Variants in LANCL1 observed in about 807,000 individuals in gnomAD.
LANCL1 encodes the protein glutathione S-transferase LANCL1.
Under a neutral mutation model 50.6 loss-of-function variants are expected in LANCL1, and 50 were observed. The ratio of observed to expected loss-of-function variants is 0.99; its 90% CI spans 0.79 to 1.25. LANCL1 has a LOEUF of 1.25. Among genes scored for constraint, LANCL1 ranks in the 50% most tolerant of loss-of-function variants. The pLI is 0.00. For synonymous variants in LANCL1, 188 were observed against 178.6 expected (o/e 1.05, Z -0.42); for missense variants, 532 against 480.7 (o/e 1.11, Z -1.00).
intron 4 of LANCL1, among the ~76,000 whole-genome samples, chr2:210,443,911 T>C (rs1218637471): frequency 6.6e-6 from 1 of 152,190 alleles, no homozygotes; most frequent in Non-Finnish European, 1.5e-5. Flanking sequence ...AAAGATGGGC[T>C]GGAGGTTTGG....
At chr2:210,436,075 G>C in intron 8 of LANCL1, 141 bp downstream of exon 8, 1 of 626,268 alleles carries the variant, frequency 1.6e-6, no homozygotes, top group Non-Finnish European at 2.7e-6. Flanking sequence ...CTAATTTTTT[G>C]TCATTTTAGT....
intron 2 of LANCL1, among the ~76,000 whole-genome samples, chr2:210,472,531 T>C (rs1694255134): frequency 6.6e-6 from 1 of 151,912 alleles, no homozygotes; most frequent in Non-Finnish European, 1.5e-5. Context: ...TTAAAAAAAA[T>C]GAAGTAGCCA....
chr2:210,452,698 G>A (rs1278325777), intron 4 of LANCL1, among the ~76,000 whole-genome samples: 3 of 152,038 alleles, frequency 2.0e-5, no homozygotes, highest in African/African-American at 4.8e-5. Context: ...TGATTTCCTT[G>A]GATTTCAATT....
chr2:210,456,506 C>G (rs1304246885), intron 3 of LANCL1, among the ~76,000 whole-genome samples: 1 of 151,998 alleles, frequency 6.6e-6, no homozygotes, highest in Non-Finnish European at 1.5e-5. Context: ...TGTTAGTAAT[C>G]CCACAAGCTG....
chr2:210,464,365 G>A (rs1269897606), intron 3 of LANCL1, among the ~76,000 whole-genome samples: 1 of 152,086 alleles, frequency 6.6e-6, no homozygotes, highest in Non-Finnish European at 1.5e-5. Flanking sequence ...TTGTTGAAAA[G>A]ATAGATGGGG....
chr2:210,466,587 G>A (rs1230666689), intron 3 of LANCL1, among the ~76,000 whole-genome samples: 1 of 152,178 alleles, frequency 6.6e-6, no homozygotes, highest in Non-Finnish European at 1.5e-5. Context: ...GAGTAGCAGT[G>A]TTGAGATCTT....
intron 6 of LANCL1, 101 bp downstream of exon 6, chr2:210,440,497 T>C: frequency 8.7e-7 from 1 of 1,151,458 alleles, no homozygotes; most frequent in Non-Finnish European, 1.2e-6. Flanking sequence ...ATGCAGTGGT[T>C]GACAGAATGA....
intron 4 of LANCL1, among the ~76,000 whole-genome samples, chr2:210,449,717 A>G (rs1693453229): frequency 6.6e-6 from 1 of 152,222 alleles, no homozygotes; most frequent in East Asian, 1.9e-4. Flanking sequence ...ACAAAGAGCC[A>G]AATCATGGGT....
At chr2:210,438,198 G>A (rs374364091) in intron 6 of LANCL1, among the ~76,000 whole-genome samples, 6 of 147,886 alleles carry the variant, frequency 4.1e-5, no homozygotes, top group Admixed American at 3.4e-4. Context: ...GCAATGGTGC[G>A]ATCTTGGCTC....
chr2:210,444,808 G>C (rs1367430087), intron 4 of LANCL1, among the ~76,000 whole-genome samples: 4 of 151,976 alleles, frequency 2.6e-5, no homozygotes, highest in Non-Finnish European at 5.9e-5. Flanking sequence ...CTTATGGATA[G>C]AATTATGGGC....
Position 210,432,377 on chromosome 2 carries a change from G to T in LANCL1, c.*2110C>A, listed in dbSNP as rs895345548. 4 of 152,150 alleles carry T rather than the reference G, an allele frequency of 2.6e-5. No homozygotes were observed. The highest frequency in any genetic ancestry group is 9.7e-5 in the African/African-American group (4 of 41,438). 9.4% of individuals were successfully genotyped at this position (152,150 alleles called of 1,614,324 possible). ...AGTAGCTAACCCATTTATGCTGGGG[G>T]TTGCAATTTTTTGTGTGAAAAATCA... On this transcript the variant is annotated 3_prime_UTR_variant, in exon 10 of 10. Transcript: ENST00000450366.
chr2:210,473,148 G>C (rs1694270044), intron 2 of LANCL1, among the ~76,000 whole-genome samples: 1 of 152,168 alleles, frequency 6.6e-6, no homozygotes, highest in South Asian at 2.1e-4. Context: ...GGCCGAGGTG[G>C]GCGGATAACC....
intron 3 of LANCL1, among the ~76,000 whole-genome samples, chr2:210,463,945 T>G (rs868273488): frequency 6.6e-6 from 1 of 152,352 alleles, no homozygotes; most frequent in Middle Eastern, 3.4e-3. Context: ...ACGTTTGAGT[T>G]CTATTAAAAG....
chr2:210,455,101 G>C lies in LANCL1; in HGVS notation c.407+6C>G. On this transcript the variant is annotated splice_donor_region_variant and intron_variant, in intron 4 of 9. Coordinates refer to ENST00000450366, the MANE Select transcript of LANCL1 (RefSeq NM_006055.3). ...GAAAATAATCCTCATATAGAAACAT[G>C]ATTACCGTGTGATGCAATCTTCTGC... 6.2e-7 allele frequency: 1 copy of C among 1,609,010 alleles called. No individual in the cohort carries two copies. Among genetic ancestry groups the C allele is most frequent in the Non-Finnish European group, 8.5e-7 (1 of 1,175,768 alleles).
At chr2:210,437,199 TC>T (rs1271480172) in intron 7 of LANCL1, among the ~76,000 whole-genome samples, 2 of 152,214 alleles carry the variant, frequency 1.3e-5, no homozygotes, top group African/African-American at 4.8e-5. Flanking sequence ...TCCTTTTATA[TC>T]TATTTATTTC....
Position 210,455,173 on chromosome 2 carries a change from A to AG in LANCL1, c.340dup (p.Leu114ProfsTer14), listed in dbSNP as rs1693626882. 1.2e-6 allele frequency: 2 copies of AG among 1,613,682 alleles called. No individual in the cohort carries two copies. Among genetic ancestry groups the AG allele is most frequent in the African/African-American group, 1.3e-5 (1 of 74,910 alleles). On this transcript the variant is annotated frameshift_variant, in exon 4 of 10. Coordinates refer to ENST00000450366, the MANE Select transcript of LANCL1 (RefSeq NM_006055.3). LOFTEE classifies it high-confidence loss of function. The stretch of plus-strand genomic sequence containing the variant: ...GTGATATAGCACAGCGGCCACTGCC[A>AG]GGGGGCCTGCATCCCCACAAAGGAA...
chr2:210,476,669 G>GAA lies in LANCL1; in HGVS notation c.-68_-67dup. 1 of 1,227,344 alleles carries GAA rather than the reference G, an allele frequency of 8.1e-7. No individual in the cohort carries two copies. 76.0% of individuals were successfully genotyped at this position (1,227,344 alleles called of 1,614,324 possible). On this transcript the variant is annotated 5_prime_UTR_variant, in exon 1 of 10. Coordinates refer to ENST00000450366, the MANE Select transcript of LANCL1 (RefSeq NM_006055.3). ...AACCCCGTTCCCACGCCCGCGACTTGAAGCAAGTGCGCCTCCCGCGTCCTG... is the reference window on the plus strand; with the variant it reads ...AACCCCGTTCCCACGCCCGCGACTTGAAAAGCAAGTGCGCCTCCCGCGTCCTG...
At chr2:210,467,130 A>G (rs1694088521) in intron 3 of LANCL1, among the ~76,000 whole-genome samples, 1 of 152,236 alleles carries the variant, frequency 6.6e-6, no homozygotes, top group African/African-American at 2.4e-5. Flanking sequence ...AACTGATGTT[A>G]GACAGTCTGG....
At position 210,476,340 on chromosome 2, in the gene LANCL1, T is replaced by C. The variant is rs758058074; in HGVS notation, c.57A>G (p.Glu19=). ...PYADYNKSLA[E]GYFDAAGRLT... ...CCCTCCCGGCAGCATCAAAGTAGCC[T>C]TCGGCCAGGGATTTGTTATAATCAG... The change falls in exon 2 of 10, where the codon GAA becomes GAG. Residue 19 remains glutamate, a synonymous_variant. Transcript: ENST00000450366. 6.2e-7 allele frequency: 1 copy of C among 1,614,052 alleles called. No individual in the cohort carries two copies. The highest frequency in any genetic ancestry group is 8.5e-7 in the Non-Finnish European group (1 of 1,179,960).
Sources: allele counts gnomAD v4.1 joint callset (sites outside exome capture counted in the v4.1 genomes callset), GRCh38; gene constraint gnomAD v4.1.1; transcripts MANE v1.5; gene names NCBI Gene and HGNC (gene_info 2026-07-23, HGNC 2026-07-21).